Variants in ZBTB46 observed in about 807,000 individuals in gnomAD.
The protein encoded by ZBTB46 is zinc finger and BTB domain-containing protein 46.
A neutral mutation model predicts 44.1 loss-of-function variants in ZBTB46; 8 were observed. That is an observed-to-expected ratio of 0.18 (90% CI 0.11 to 0.33). The LOEUF is 0.33. Ranked by LOEUF, ZBTB46 falls within the 10% of genes least tolerant of loss-of-function variation. ZBTB46 has a pLI of 1.00. For synonymous variants in ZBTB46, 409 were observed against 382.3 expected (o/e 1.07, Z -0.81); for missense variants, 651 against 847.7 (o/e 0.77, Z 2.88).
chr20:63,831,503 TC>T (rs972164412), upstream of ZBTB46, among the ~76,000 whole-genome samples: 1 of 144,164 alleles, frequency 6.9e-6, no homozygotes, highest in Non-Finnish European at 1.5e-5. Context: ...GGGTCCGTTC[TC>T]CCCCCCGCGG....
chr20:63,771,647 C>G (rs972834510), intron 3 of ZBTB46, among the ~76,000 whole-genome samples: 1 of 152,136 alleles, frequency 6.6e-6, no homozygotes, highest in Non-Finnish European at 1.5e-5. Context: ...CACACCGAGG[C>G]GCCTCGGCTA....
chr20:63,828,494 G>C lies in ZBTB46; in HGVS notation c.-34+2603C>G, dbSNP rs573300283. On this transcript the variant is annotated intron_variant, in intron 1 of 4. Coordinates refer to ENST00000245663, the MANE Select transcript of ZBTB46 (RefSeq NM_001369741.1). Reference sequence around the variant, plus strand: ...CCCCAGGGGAGGGGACAGATTCAAAGGGTATTTTTTTTTTTAAATCTGCTA... The same window carrying C: ...CCCCAGGGGAGGGGACAGATTCAAACGGTATTTTTTTTTTTAAATCTGCTA... Among the ~76,000 whole-genome samples the C allele has an allele frequency of 5.8e-4, 88 of 152,254 alleles. 2 individuals carry two copies. In the South Asian group the frequency reaches 0.018, roughly 32 times the overall value.
intron 3 of ZBTB46, among the ~76,000 whole-genome samples, chr20:63,769,786 C>T (rs1169684460): frequency 2.6e-5 from 4 of 152,202 alleles, no homozygotes; most frequent in South Asian, 2.1e-4. Flanking sequence ...ATTCCAGTCT[C>T]GATCCAGAAT....
chr20:63,784,506 C>A (rs965306336), intron 2 of ZBTB46, among the ~76,000 whole-genome samples: 3 of 152,232 alleles, frequency 2.0e-5, no homozygotes, highest in African/African-American at 7.2e-5. Flanking sequence ...TGTGTGGGGC[C>A]ATTTAGTTGG....
intron 1 of ZBTB46, among the ~76,000 whole-genome samples, chr20:63,795,383 C>T (rs1435920112): frequency 6.6e-6 from 1 of 152,238 alleles, no homozygotes; most frequent in Non-Finnish European, 1.5e-5. Context: ...GCAGTTACAC[C>T]GTGCAGGCTC....
intron 1 of ZBTB46, among the ~76,000 whole-genome samples, chr20:63,828,616 G>A (rs191084018): frequency 2.5e-4 from 38 of 152,376 alleles, no homozygotes; most frequent in African/African-American, 8.9e-4. Flanking sequence ...AGCAGCCTGA[G>A]TTTTTACAAG....
At chr20:63,800,472 AGCCCTTCAGCCC>A (rs2092635037) in intron 1 of ZBTB46, among the ~76,000 whole-genome samples, 1 of 152,212 alleles carries the variant, frequency 6.6e-6, no homozygotes, top group Non-Finnish European at 1.5e-5. Context: ...GCACTTGAGG[AGCCCTTCAGCCC>A]GCTGCTGCAC....
chr20:63,826,460 T>C (rs73624742), intron 1 of ZBTB46, among the ~76,000 whole-genome samples: 3 of 151,940 alleles, frequency 2.0e-5, no homozygotes, highest in Non-Finnish European at 4.4e-5. Context: ...CGGTGGCTCA[T>C]GCCTGTAATC....
chr20:63,749,480 G>A (rs1165748679), intron 4 of ZBTB46, among the ~76,000 whole-genome samples: 1 of 152,170 alleles, frequency 6.6e-6, no homozygotes, highest in Non-Finnish European at 1.5e-5. Flanking sequence ...GGGACTACAG[G>A]CACCCGCCAC....
upstream of ZBTB46, among the ~76,000 whole-genome samples, chr20:63,833,612 G>A (rs2092861769): frequency 6.6e-6 from 1 of 152,054 alleles, no homozygotes; most frequent in African/African-American, 2.4e-5. Context: ...AAAAAGAAAC[G>A]TGCTGAGTTC....
chr20:63,747,547 C>CA (rs529992195), intron 4 of ZBTB46, among the ~76,000 whole-genome samples: 136 of 10,380 alleles, frequency 0.013, 3 homozygotes, highest in African/African-American at 0.041. Flanking sequence ...GGGGGGGGTG[C>CA]GGGGGTGAGC....
chr20:63,784,619 G>A (rs574632415), intron 2 of ZBTB46, among the ~76,000 whole-genome samples: 16 of 152,286 alleles, frequency 1.1e-4, no homozygotes, highest in South Asian at 2.1e-4. Context: ...TGCTCCCTCC[G>A]CAGATGAGAA....
At chr20:63,809,134 G>A (rs941973746) in intron 1 of ZBTB46, among the ~76,000 whole-genome samples, 5 of 152,164 alleles carry the variant, frequency 3.3e-5, no homozygotes, top group Non-Finnish European at 5.9e-5. Context: ...CCCCTTCGCA[G>A]GGACCGCAGC....
In ZBTB46 at chr20:63,789,649, G is replaced by A. The variant is rs73916657; in HGVS notation, c.937+172C>T. 8.3e-3 allele frequency among the ~76,000 whole-genome samples: 1,263 copies of A among 152,354 alleles called. 18 individuals are homozygous for A. The highest frequency in any genetic ancestry group is 0.028 in the African/African-American group (1,175 of 41,588). ...GGGCCCTGGTGATGCCCTGCCCTTT[G>A]AGATGCATTGGCTGCATTCCCAGCG... On this transcript the variant is annotated intron_variant, in intron 2 of 4. Coordinates refer to ENST00000245663, the MANE Select transcript of ZBTB46 (RefSeq NM_001369741.1).
At chr20:63,776,665 G>C (rs1422293963) in intron 2 of ZBTB46, among the ~76,000 whole-genome samples, 1 of 152,010 alleles carries the variant, frequency 6.6e-6, no homozygotes, top group Admixed American at 6.6e-5. Flanking sequence ...TTAGCCGGGC[G>C]TGGTGGCACG....
At chr20:63,755,454 CTCTG>C (rs1426177713) in intron 3 of ZBTB46, among the ~76,000 whole-genome samples, 6 of 152,338 alleles carry the variant, frequency 3.9e-5, no homozygotes, top group Admixed American at 1.3e-4. Context: ...GTGGCCTTTT[CTCTG>C]TCTGTGTCTC....
intron 2 of ZBTB46, among the ~76,000 whole-genome samples, chr20:63,788,795 C>T (rs551787473): frequency 6.7e-6 from 1 of 149,808 alleles, no homozygotes; most frequent in East Asian, 2.0e-4. Context: ...GCCGAGATCA[C>T]GTCACTGCAC....
intron 1 of ZBTB46, among the ~76,000 whole-genome samples, chr20:63,818,419 A>G (rs138301263): frequency 6.6e-6 from 1 of 152,320 alleles, no homozygotes; most frequent in Non-Finnish European, 1.5e-5. Context: ...GCCGCCCCGC[A>G]GTCAGTTCTG....
intron 3 of ZBTB46, among the ~76,000 whole-genome samples, chr20:63,772,577 G>T (rs1052485826): frequency 6.6e-6 from 1 of 152,086 alleles, no homozygotes; most frequent in African/African-American, 2.4e-5. Context: ...AAATTAGTGG[G>T]GTGTGGGGGC....
Sources: allele counts gnomAD v4.1 joint callset (sites outside exome capture counted in the v4.1 genomes callset), GRCh38; gene constraint gnomAD v4.1.1; transcripts MANE v1.5; gene names NCBI Gene and HGNC (gene_info 2026-07-23, HGNC 2026-07-21).